Variants in GCSAML observed in about 807,000 individuals in gnomAD.
The protein encoded by GCSAML is germinal center-associated signaling and motility-like protein.
GCSAML carries 9 observed loss-of-function variants against 13.0 expected under a neutral mutation model. That is an observed-to-expected ratio of 0.69 (90% CI 0.42 to 1.21). The LOEUF (loss-of-function observed/expected upper bound fraction) is 1.21, where lower values mean the gene tolerates loss of function less well. Among genes scored for constraint, GCSAML ranks in the 50% most tolerant of loss-of-function variants. GCSAML has a pLI of 0.00. For synonymous variants in GCSAML, 37 were observed against 52.9 expected (o/e 0.70, Z 1.31); for missense variants, 143 against 153.4 (o/e 0.93, Z 0.36).
intron 2 of GCSAML, among the ~76,000 whole-genome samples, chr1:247,543,475 G>A (rs1406020299): frequency 3.9e-5 from 6 of 152,062 alleles, no homozygotes; most frequent in South Asian, 2.1e-4. Flanking sequence ...ACAGGGTTCC[G>A]TAGTATCCAC....
At chr1:247,513,706 T>G (rs1666120112) in intron 1 of GCSAML, among the ~76,000 whole-genome samples, 2 of 152,246 alleles carry the variant, frequency 1.3e-5, no homozygotes, top group African/African-American at 4.8e-5. Flanking sequence ...TATCTGGGGC[T>G]GCAGTGCACC....
chr1:247,532,025 G>T, intron 2 of GCSAML: 1 of 1,614,126 alleles, frequency 6.2e-7, no homozygotes, highest in Non-Finnish European at 8.5e-7. Flanking sequence ...AGCATGGTGA[G>T]CGTGGAGCCC....
At chr1:247,538,247 G>A (rs1213166522) in intron 2 of GCSAML, among the ~76,000 whole-genome samples, 1 of 152,176 alleles carries the variant, frequency 6.6e-6, no homozygotes, top group Non-Finnish European at 1.5e-5. Context: ...TGTGTTGAAA[G>A]GATTACACTT....
chr1:247,547,350 G>A (rs1481475783), upstream of GCSAML, among the ~76,000 whole-genome samples: 3 of 152,164 alleles, frequency 2.0e-5, no homozygotes, highest in Admixed American at 1.3e-4. Flanking sequence ...TGCAGATGGA[G>A]AACGTGAGTT....
chr1:247,533,022 A>T (rs1667066445), intron 2 of GCSAML, among the ~76,000 whole-genome samples: 1 of 152,190 alleles, frequency 6.6e-6, no homozygotes, highest in African/African-American at 2.4e-5. Context: ...GTGGTCATTC[A>T]TGTGATGAAC....
In GCSAML at chr1:247,537,618, C is replaced by G. The variant is rs1667265460; in HGVS notation, c.-148+10564C>G. 2.0e-5 allele frequency among the ~76,000 whole-genome samples: 3 copies of G among 152,334 alleles called. No homozygotes were observed. The South Asian group carries it at 6.2e-4, about 32-fold the overall frequency. ...ACATTTCTACAAGCAATTTGTGTTC[C>G]AGTTTCTCCACATAATCACCAGCAC... On this transcript the variant is annotated intron_variant, in intron 2 of 5. Transcript: ENST00000366489.
chr1:247,534,883 A>C (rs915339860), intron 2 of GCSAML, among the ~76,000 whole-genome samples: 1 of 152,202 alleles, frequency 6.6e-6, no homozygotes, highest in Non-Finnish European at 1.5e-5. Flanking sequence ...TAAAATTCAC[A>C]CGTGGAAGCT....
chr1:247,532,946 ATAT>A (rs1171823306), intron 2 of GCSAML, among the ~76,000 whole-genome samples: 1 of 152,200 alleles, frequency 6.6e-6, no homozygotes. Flanking sequence ...TAAAATGGAA[ATAT>A]TATAGTAACA....
At chr1:247,537,277 CTA>C (rs144708366) in intron 2 of GCSAML, among the ~76,000 whole-genome samples, 1,717 of 152,288 alleles carry the variant, frequency 0.011, 39 homozygotes, top group African/African-American at 0.039. Context: ...CAAGGTTCAT[CTA>C]TGTTGTAGCG....
chr1:247,521,805 G>A (rs983657189), intron 1 of GCSAML, among the ~76,000 whole-genome samples: 8 of 152,140 alleles, frequency 5.3e-5, no homozygotes, highest in Non-Finnish European at 7.4e-5. Context: ...CCACCACCCC[G>A]TCTGGGAAGT....
At position 247,526,130 on chromosome 1, in the gene GCSAML, G is replaced by A. The variant is rs1180568092; in HGVS notation, c.-262-810G>A. ...TTTGAAATATACCTGTGCACAGCAT[G>A]TGTTGAGATGAGAAAATATCTGTGA... On this transcript the variant is annotated intron_variant, in intron 1 of 5. Transcript: ENST00000366489. This position sits in a 1 kb window ranked among gnomAD's most constrained non-coding sequence, Gnocchi z 4.8. The A allele has an allele frequency of 6.6e-6, 1 of 152,184 alleles. No homozygotes were observed. The highest frequency in any genetic ancestry group is 1.5e-5 in the Non-Finnish European group (1 of 68,036). 9.4% of individuals were successfully genotyped at this position (152,184 alleles called of 1,614,324 possible).
intron 2 of GCSAML, among the ~76,000 whole-genome samples, chr1:247,535,228 T>C (rs1165796694): frequency 1.3e-5 from 2 of 152,164 alleles, no homozygotes; most frequent in Non-Finnish European, 2.9e-5. Flanking sequence ...GGCTAGAGGA[T>C]GGCTTCAACC....
chr1:247,568,018 TG>T (rs1668454120), intron 4 of GCSAML, among the ~76,000 whole-genome samples: 1 of 152,156 alleles, frequency 6.6e-6, no homozygotes, highest in Non-Finnish European at 1.5e-5. Context: ...CACTTTTTGA[TG>T]GGGTTGTTTT....
intron 1 of GCSAML, among the ~76,000 whole-genome samples, chr1:247,515,402 ATGT>A (rs1488798241): frequency 2.6e-5 from 4 of 152,248 alleles, no homozygotes; most frequent in African/African-American, 9.6e-5. Context: ...ACAGTTTAAA[ATGT>A]TGTTTATGAA....
upstream of GCSAML, among the ~76,000 whole-genome samples, chr1:247,547,516 A>T (rs907788816): frequency 7.2e-5 from 11 of 152,254 alleles, no homozygotes; most frequent in Middle Eastern, 3.2e-3. Context: ...TTGAGGATTA[A>T]TGAGCTTATT....
intron 4 of GCSAML, among the ~76,000 whole-genome samples, chr1:247,573,079 C>G (rs1274581782): frequency 6.6e-6 from 1 of 152,218 alleles, no homozygotes; most frequent in Non-Finnish European, 1.5e-5. Context: ...GCAAGAATTT[C>G]AAGCCAGAGG....
chr1:247,554,886 T>C (rs1195083422), intron 1 of GCSAML, among the ~76,000 whole-genome samples: 1 of 152,140 alleles, frequency 6.6e-6, no homozygotes, highest in Non-Finnish European at 1.5e-5. Context: ...ACAGAAGGTA[T>C]AAAAAATTAT....
chr1:247,546,136 G>GAAATA (rs1667559791), upstream of GCSAML, among the ~76,000 whole-genome samples: 1 of 151,816 alleles, frequency 6.6e-6, no homozygotes, highest in Non-Finnish European at 1.5e-5. Context: ...AGGAAAGAAA[G>GAAATA]AAATAAATTT....
intron 2 of GCSAML, among the ~76,000 whole-genome samples, chr1:247,563,050 G>A (rs1023328866): frequency 2.1e-5 from 3 of 143,604 alleles, no homozygotes; most frequent in East Asian, 2.1e-4. Context: ...GGGTCTCACC[G>A]TGTTGGCCAG....
Sources: gnomAD v4.1 joint callset for allele counts (sites outside exome capture counted in the v4.1 genomes callset) on GRCh38, gnomAD v4.1.1 for gene constraint, Gnocchi (gnomAD v3.1) non-coding constraint, MANE v1.5 for transcripts, NCBI Gene and HGNC (gene_info 2026-07-23, HGNC 2026-07-21) for gene names.